The following TLL2 variants were observed in gnomAD, a reference collection of about 807,000 sequenced individuals.
The protein encoded by TLL2 is tolloid like 2.
TLL2 carries 106 observed loss-of-function variants against 123.0 expected under a neutral mutation model. That is an observed-to-expected ratio of 0.86 (90% CI 0.74 to 1.01). The LOEUF (loss-of-function observed/expected upper bound fraction) is 1.01. Among genes scored for constraint, TLL2 ranks in the 50% least tolerant of loss-of-function variants. The pLI is 0.00. For missense variants in TLL2, 1,332 were observed against 1,336.7 expected, an observed-to-expected ratio of 1.00 and a Z score of 0.06; for synonymous variants, 494 against 516.8, an observed-to-expected ratio of 0.96 and a Z score of 0.60.
Position 96,381,603 on chromosome 10 carries a change from T to C in TLL2, c.2195-2511A>G, listed in dbSNP as rs938818174. On this transcript the variant is annotated intron_variant, in intron 16 of 20. Coordinates refer to ENST00000357947, the MANE Select transcript of TLL2 (RefSeq NM_012465.4). ...AGACCACCCCAAATCCTGCAAAAAG[T>C]CTTCACCCACTGCTCCAGGCAACCA... 3.3e-5 allele frequency among the ~76,000 whole-genome samples: 5 copies of C among 152,292 alleles called. No individual in the cohort carries two copies. The East Asian group carries it at 9.6e-4, about 29-fold the overall frequency.
At chr10:96,394,516 C>T (rs1846318979) in intron 13 of TLL2, among the ~76,000 whole-genome samples, 1 of 152,164 alleles carries the variant, frequency 6.6e-6, no homozygotes, top group Admixed American at 6.5e-5. Flanking sequence ...GCAGCAGGTC[C>T]CCAGGGCAAC....
intron 19 of TLL2, among the ~76,000 whole-genome samples, chr10:96,372,520 A>G (rs1846093287): frequency 6.6e-6 from 1 of 152,228 alleles, no homozygotes; most frequent in Non-Finnish European, 1.5e-5. Context: ...TCTTCCTGAC[A>G]TTCTTCTACT....
In TLL2 at chr10:96,432,514, C is replaced by T. The variant is rs11815081; in HGVS notation, c.520+293G>A. On this transcript the variant is annotated intron_variant, in intron 4 of 20. Transcript: ENST00000357947. ...TTCTTCTATGCGGAGGGCTTGTCCT[C>T]AAACAGTCATCATGCAAACCCCACT... Among the ~76,000 whole-genome samples the T allele has an allele frequency of 4.4e-3, 668 of 152,278 alleles. 5 individuals carry two copies. The highest frequency in any genetic ancestry group is 0.015 in the African/African-American group (634 of 41,544).
At chr10:96,505,349 C>A (rs1279464647) in intron 1 of TLL2, among the ~76,000 whole-genome samples, 2 of 152,316 alleles carry the variant, frequency 1.3e-5, no homozygotes, top group Non-Finnish European at 2.9e-5. Context: ...GATTACAATT[C>A]CAGATGAGGT....
intron 1 of TLL2, among the ~76,000 whole-genome samples, chr10:96,482,699 C>T (rs1022623062): frequency 3.3e-5 from 5 of 152,144 alleles, no homozygotes; most frequent in African/African-American, 4.8e-5. Context: ...AATGAACATG[C>T]AGAAATTTGG....
rs1366214621 is a variant in TLL2, at chr10:96,384,528, T to G, written c.2194+59A>C. ...GGAGGGGGCCAGGGACCCCAGAGCCTGGAGTCTGCAAAGCCGCCTCACTCG... is the reference window on the plus strand; with the variant it reads ...GGAGGGGGCCAGGGACCCCAGAGCCGGGAGTCTGCAAAGCCGCCTCACTCG... On this transcript the variant is annotated intron_variant, in intron 16 of 20. Transcript: ENST00000357947. 8.9e-6 allele frequency: 13 copies of G among 1,460,270 alleles called. No homozygotes were observed. The South Asian group carries it at 1.7e-4, about 19-fold the overall frequency. 90.5% of individuals were successfully genotyped at this position (1,460,270 alleles called of 1,614,324 possible). A position where few individuals can be genotyped will look rare whatever the true frequency, so the allele number is the denominator to read the frequency against.
At position 96,513,541 on chromosome 10, in the gene TLL2, G is replaced by A. The variant is rs1158730582; in HGVS notation, c.145C>T (p.Leu49=). 1.9e-6 allele frequency: 3 copies of A among 1,612,378 alleles called. No individual in the cohort carries two copies. The African/African-American group carries it at 4.0e-5, about 22-fold the overall frequency. The change falls in exon 1 of 21, where the codon CTG becomes TTG. Residue 49 remains leucine (L), a synonymous_variant. Transcript: ENST00000357947. ...TTGCAAGGGTCGTGGTAATGCTCCA[G>A]CTGCTGCTCCGTGCCCTCCTCGCCG... ...LDGEEGTEQQ[L]EHYHDPCKAA...
At chr10:96,398,336 A>C (rs1006577048) in intron 10 of TLL2, among the ~76,000 whole-genome samples, 1 of 152,148 alleles carries the variant, frequency 6.6e-6, no homozygotes, top group Non-Finnish European at 1.5e-5. Flanking sequence ...TAGGGATGAG[A>C]ACATCCCAGC....
At chr10:96,454,151 C>T (rs1406504125) in intron 2 of TLL2, among the ~76,000 whole-genome samples, 1 of 151,920 alleles carries the variant, frequency 6.6e-6, no homozygotes, top group African/African-American at 2.4e-5. Context: ...CTGCTCTGAT[C>T]ACAGAAAGAA....
At position 96,464,349 on chromosome 10, in the gene TLL2, A is replaced by C. The variant is rs554145933; in HGVS notation, c.286+16000T>G. On this transcript the variant is annotated intron_variant, in intron 2 of 20. Transcript: ENST00000357947. ...CAGTGAGCCGAGATTGTGCCACTGCACTCCAGTCTGGGTGGCAGAGCCAGA... is the reference window on the plus strand; with the variant it reads ...CAGTGAGCCGAGATTGTGCCACTGCCCTCCAGTCTGGGTGGCAGAGCCAGA... Among the ~76,000 whole-genome samples, 278 of 152,070 alleles carry C rather than the reference A, an allele frequency of 1.8e-3. 2 individuals are homozygous for C. Among genetic ancestry groups the C allele is most frequent in the Admixed American group, 3.4e-3 (52 of 15,276 alleles).
intron 10 of TLL2, among the ~76,000 whole-genome samples, chr10:96,398,880 T>A (rs1287874787): frequency 6.8e-6 from 1 of 147,412 alleles, no homozygotes; most frequent in East Asian, 2.0e-4. Flanking sequence ...TTTTTTTTTT[T>A]TTTTTTTTTG....
intron 18 of TLL2, among the ~76,000 whole-genome samples, chr10:96,376,097 TA>T (rs1846135739): frequency 6.6e-6 from 1 of 152,142 alleles, no homozygotes; most frequent in South Asian, 2.1e-4. Flanking sequence ...GGAATTTGCA[TA>T]AAGAACTTAG....
chr10:96,421,196 A>G, intron 6 of TLL2, 135 bp from the exon 7 acceptor site: 1 of 651,202 alleles, frequency 1.5e-6, no homozygotes, highest in South Asian at 1.8e-5. Context: ...CAGGGCTTGT[A>G]GTGGTTCTTG....
chr10:96,393,966 G>T (rs1366597917), intron 13 of TLL2, among the ~76,000 whole-genome samples: 1 of 152,146 alleles, frequency 6.6e-6, no homozygotes, highest in Non-Finnish European at 1.5e-5. Context: ...ATGGGCAGAT[G>T]TCCTTCTTCC....
intron 13 of TLL2, 70 bp downstream of exon 13, chr10:96,395,117 T>C: frequency 6.8e-7 from 1 of 1,464,930 alleles, no homozygotes; most frequent in Non-Finnish European, 9.2e-7. Context: ...TATGGTTTTG[T>C]GTGTCTTAGG....
chr10:96,381,758 A>G (rs546110709), intron 16 of TLL2, among the ~76,000 whole-genome samples: 1 of 152,132 alleles, frequency 6.6e-6, no homozygotes, highest in South Asian at 2.1e-4. Context: ...GGTTGGGGTC[A>G]TTTCCCTGGC....
intron 1 of TLL2, among the ~76,000 whole-genome samples, chr10:96,487,970 G>T (rs919295567): frequency 6.6e-6 from 1 of 152,304 alleles, no homozygotes; most frequent in African/African-American, 2.4e-5. Context: ...TGAAGGAACC[G>T]AATCAGATAG....
chr10:96,405,153 G>A (rs1846437279), intron 10 of TLL2, 79 bp downstream of exon 10: 2 of 1,351,388 alleles, frequency 1.5e-6, no homozygotes, highest in South Asian at 1.2e-5. Flanking sequence ...CCGCTGTCAA[G>A]GTGGACCTTC....
chr10:96,456,710 C>T (rs903910156), intron 2 of TLL2, among the ~76,000 whole-genome samples: 4 of 152,194 alleles, frequency 2.6e-5, no homozygotes, highest in African/African-American at 9.7e-5. Context: ...AAGGTGCAGA[C>T]CTCTGGCCAG....
Sources: gnomAD v4.1 joint callset for allele counts (sites outside exome capture counted in the v4.1 genomes callset) on GRCh38, gnomAD v4.1.1 for gene constraint, MANE v1.5 for transcripts, NCBI Gene and HGNC (gene_info 2026-07-23, HGNC 2026-07-21) for gene names.